RAI14: variants seen among roughly 807,000 people sequenced by gnomAD.
RAI14 encodes the protein retinoic acid induced 14.
RAI14 carries 45 observed loss-of-function variants against 115.4 expected under a neutral mutation model. That is an observed-to-expected ratio of 0.39 (90% CI 0.31 to 0.50). RAI14 has a LOEUF of 0.50. Among genes scored for constraint, RAI14 ranks in the 20% least tolerant of loss-of-function variants. The probability of loss-of-function intolerance (pLI) is 0.85; values close to 1 mark genes in which losing one functional copy is unlikely to be tolerated. For synonymous variants in RAI14, 371 were observed against 415.4 expected, an observed-to-expected ratio of 0.89 and a Z score of 1.30; for missense variants, 939 against 1,131.2, an observed-to-expected ratio of 0.83 and a Z score of 2.44.
intron 2 of RAI14, among the ~76,000 whole-genome samples, chr5:34,738,548 G>T (rs1312151986): frequency 6.6e-6 from 1 of 152,192 alleles, no homozygotes; most frequent in Non-Finnish European, 1.5e-5. Context: ...TGCTGTTGGT[G>T]TGGTGCCTTT....
intron 3 of RAI14, among the ~76,000 whole-genome samples, chr5:34,770,529 TAAAG>T (rs1402000529): frequency 1.3e-5 from 2 of 151,998 alleles, no homozygotes; most frequent in African/African-American, 4.8e-5. Flanking sequence ...TTCAAGAAAA[TAAAG>T]AAGACATTGG....
intron 2 of RAI14, among the ~76,000 whole-genome samples, chr5:34,750,684 A>G (rs17593293): frequency 0.13 from 20,256 of 151,978 alleles, 1,397 homozygotes; most frequent in South Asian, 0.19. Context: ...TGTACGTTCT[A>G]ACAAGTAGTT....
chr5:34,798,537 A>G (rs1371194823), intron 4 of RAI14, among the ~76,000 whole-genome samples: 2 of 152,056 alleles, frequency 1.3e-5, no homozygotes, highest in Non-Finnish European at 2.9e-5. Context: ...TAAATTCTAT[A>G]TCCTGCATTT....
chr5:34,661,876 C>A (rs951292033), intron 1 of RAI14, among the ~76,000 whole-genome samples: 1 of 152,186 alleles, frequency 6.6e-6, no homozygotes, highest in African/African-American at 2.4e-5. Flanking sequence ...TTCTGGAACT[C>A]CTGGGCTCAA....
chr5:34,802,945 A>G (rs147856443), intron 4 of RAI14, among the ~76,000 whole-genome samples: 1 of 152,248 alleles, frequency 6.6e-6, no homozygotes, highest in East Asian at 1.9e-4. Context: ...GGAGAGGGAA[A>G]TGAGATGTCA....
intron 2 of RAI14, among the ~76,000 whole-genome samples, chr5:34,717,197 CTATT>C (rs1249252001): frequency 2.0e-5 from 3 of 152,100 alleles, no homozygotes; most frequent in Non-Finnish European, 2.9e-5. Flanking sequence ...CATTTTAAGA[CTATT>C]TATTTTAAAG....
chr5:34,828,785 A>G (rs1168968727), intron 16 of RAI14, among the ~76,000 whole-genome samples: 1 of 152,162 alleles, frequency 6.6e-6, no homozygotes, highest in Non-Finnish European at 1.5e-5. Flanking sequence ...CAGCGGCTGT[A>G]TTGAGGAACC....
chr5:34,725,715 C>T (rs550474743), intron 2 of RAI14, among the ~76,000 whole-genome samples: 14 of 152,034 alleles, frequency 9.2e-5, no homozygotes, highest in African/African-American at 2.4e-4. Context: ...CCTGTAATCC[C>T]AGCACTTTGG....
rs781580970 is a variant in RAI14, at chr5:34,824,177, A to G, written c.2335A>G (p.Met779Val). 1 of 1,614,210 alleles carries G rather than the reference A, an allele frequency of 6.2e-7. No homozygotes were observed. The highest frequency in any genetic ancestry group is 8.5e-7 in the Non-Finnish European group (1 of 1,180,028). ...ACAACTCTTAGAAGAGAAAGCTGCT[A>G]TGACTGATGCAATGGTACCTCGGTC... is the stretch of plus-strand genomic sequence containing the variant. ...EKQLLEEKAA[M>V]TDAMVPRSSY... The change falls in exon 15 of 18, where the codon ATG (methionine) becomes GTG (valine). Residue 779 changes from methionine (M) to valine (V), a missense_variant. Coordinates refer to ENST00000265109, the MANE Select transcript of RAI14 (RefSeq NM_015577.3).
At chr5:34,700,021 A>G (rs1420666635) in intron 2 of RAI14, among the ~76,000 whole-genome samples, 2 of 152,206 alleles carry the variant, frequency 1.3e-5, no homozygotes, top group African/African-American at 4.8e-5. Context: ...GAGAATATGG[A>G]AATCAAAGCG....
intron 2 of RAI14, among the ~76,000 whole-genome samples, chr5:34,702,109 C>T (rs771966982): frequency 1.1e-4 from 17 of 152,164 alleles, no homozygotes; most frequent in Non-Finnish European, 2.1e-4. Flanking sequence ...CCACCACGCC[C>T]GCCCAAGAGT....
rs143139016 is a variant in RAI14 at position 34,807,814 on chromosome 5, C to T, written c.336C>T (p.Ala112=). The T allele has an allele frequency of 5.2e-5, 83 of 1,610,196 alleles. No individual in the cohort carries two copies. In the African/African-American group the frequency reaches 9.9e-4, roughly 19 times the overall value. The part of the protein sequence containing the change: ...IRKLLQSKCP[A]ESVDSSGKTA... ...TTGTCTTATAGTCTAAATGCCCAGC[C>T]GAAAGTGTCGACAGCTCTGGGAAAA... The change falls in exon 6 of 18, where the codon GCC becomes GCT. Residue 112 remains alanine, a synonymous_variant. Transcript: ENST00000265109.
Position 34,832,021 on chromosome 5 carries a change from A to G in RAI14, c.*1256A>G, listed in dbSNP as rs1758050955. On this transcript the variant is annotated 3_prime_UTR_variant, in exon 18 of 18. Coordinates refer to ENST00000265109, the MANE Select transcript of RAI14 (RefSeq NM_015577.3). ...TTATGGTGCATAGCAGAGGTCTCGGAAAAAAAATATTTCTGTTCACTTTAC... is the reference window on the plus strand; with the variant it reads ...TTATGGTGCATAGCAGAGGTCTCGGGAAAAAAATATTTCTGTTCACTTTAC... 6.6e-6 allele frequency: 1 copy of G among 152,114 alleles called. No individual in the cohort carries two copies. The highest frequency in any genetic ancestry group is 2.4e-5 in the African/African-American group (1 of 41,408). The allele number at this position is 152,114 out of a possible 1,614,324, so 9.4% of individuals were successfully genotyped here. A position where few individuals can be genotyped will look rare whatever the true frequency, so the allele number is the denominator to read the frequency against.
At chr5:34,800,910 A>G (rs892860190) in intron 4 of RAI14, among the ~76,000 whole-genome samples, 6 of 152,170 alleles carry the variant, frequency 3.9e-5, no homozygotes, top group African/African-American at 1.4e-4. Flanking sequence ...CCATCTTACA[A>G]TCAGGATGTG....
chr5:34,724,916 C>T (rs1470188548), intron 2 of RAI14, among the ~76,000 whole-genome samples: 1 of 152,050 alleles, frequency 6.6e-6, no homozygotes, highest in Non-Finnish European at 1.5e-5. Flanking sequence ...TTTTCTAAGG[C>T]AATAGGCTCT....
At chr5:34,666,211 C>T (rs529552158) in intron 1 of RAI14, among the ~76,000 whole-genome samples, 55 of 152,162 alleles carry the variant, frequency 3.6e-4, no homozygotes, top group Admixed American at 2.7e-3. Context: ...AGATGTCCTG[C>T]GCCCCACTTG....
intron 2 of RAI14, chr5:34,688,213 A>G (rs1257127497): frequency 6.4e-7 from 1 of 1,551,546 alleles, no homozygotes; most frequent in East Asian, 2.4e-5. Flanking sequence ...TATGCAGCCT[A>G]CATATCTCCC....
At chr5:34,824,946 C>CAAA (rs1174399473) in intron 15 of RAI14, among the ~76,000 whole-genome samples, 41 of 66,462 alleles carry the variant, frequency 6.2e-4, no homozygotes, top group Middle Eastern at 0.012. Context: ...GACTTCATCT[C>CAAA]AAAAAAAAAA....
intron 2 of RAI14, among the ~76,000 whole-genome samples, chr5:34,720,511 T>C (rs377443627): frequency 4.0e-4 from 59 of 147,810 alleles, no homozygotes; most frequent in Admixed American, 1.8e-3. Flanking sequence ...CCCGGGTTCA[T>C]GCCATTCTCC....
Sources: gnomAD v4.1 joint callset for allele counts (sites outside exome capture counted in the v4.1 genomes callset) on GRCh38, gnomAD v4.1.1 for gene constraint, MANE v1.5 for transcripts, NCBI Gene and HGNC (gene_info 2026-07-23, HGNC 2026-07-21) for gene names.